Variants in SERPINB7 observed in about 807,000 individuals in gnomAD.
SERPINB7 encodes the protein serpin family B member 7.
SERPINB7 carries 31 observed loss-of-function variants against 37.4 expected under a neutral mutation model. That is an observed-to-expected ratio of 0.83 (90% CI 0.62 to 1.12). The LOEUF is 1.12. Among genes scored for constraint, SERPINB7 ranks in the 50% most tolerant of loss-of-function variants. The pLI is 0.00. For missense variants in SERPINB7, 521 were observed against 455.3 expected, an observed-to-expected ratio of 1.14 and a Z score of -1.31; for synonymous variants, 163 against 166.1, an observed-to-expected ratio of 0.98 and a Z score of 0.14.
chr18:63,753,236 A>G (rs2049102371), intron 1 of SERPINB7: 1 of 152,244 alleles, frequency 6.6e-6, no homozygotes, highest in Non-Finnish European at 1.5e-5. Flanking sequence ...CCTGCTGTCA[A>G]AGTAACAGCT....
intron 1 of SERPINB7, among the ~76,000 whole-genome samples, chr18:63,778,959 TA>T (rs2049276531): frequency 6.6e-6 from 1 of 152,186 alleles, no homozygotes; most frequent in Non-Finnish European, 1.5e-5. Context: ...AACATAAGAA[TA>T]TAGTATATTT....
At chr18:63,769,568 C>T (rs2049198661) in intron 1 of SERPINB7, among the ~76,000 whole-genome samples, 1 of 152,036 alleles carries the variant, frequency 6.6e-6, no homozygotes, top group Admixed American at 6.6e-5. Flanking sequence ...TATAATGAGA[C>T]TCTGGTTCCT....
At chr18:63,767,983 CTT>C (rs1296378284) in intron 1 of SERPINB7, among the ~76,000 whole-genome samples, 2 of 151,982 alleles carry the variant, frequency 1.3e-5, no homozygotes, top group Admixed American at 1.3e-4. Flanking sequence ...TAAAAAAATT[CTT>C]TTAATATCTG....
chr18:63,804,172 G>A, intron 7 of SERPINB7, 65 bp from the exon 8 acceptor site: 2 of 1,169,660 alleles, frequency 1.7e-6, no homozygotes, highest in Non-Finnish European at 2.4e-6. Flanking sequence ...ATGTATCTCT[G>A]TAGCTATTGT....
At chr18:63,774,845 A>G (rs2049233572), upstream of SERPINB7, among the ~76,000 whole-genome samples, 1 of 152,154 alleles carries the variant, frequency 6.6e-6, no homozygotes, top group Non-Finnish European at 1.5e-5. Context: ...ATTCCAAGCC[A>G]GAGAAAATTG....
upstream of SERPINB7, among the ~76,000 whole-genome samples, chr18:63,774,461 G>C (rs933581833): frequency 3.3e-5 from 5 of 152,102 alleles, no homozygotes; most frequent in Non-Finnish European, 7.4e-5. Flanking sequence ...GCAGGTGAAG[G>C]TAGGTGCAAC....
chr18:63,803,165 A>G (rs912235753), intron 7 of SERPINB7, among the ~76,000 whole-genome samples: 1 of 152,156 alleles, frequency 6.6e-6, no homozygotes, highest in African/African-American at 2.4e-5. Flanking sequence ...ATAAACCTAC[A>G]TACTATACAA....
At position 63,789,214 on chromosome 18, in the gene SERPINB7, C is replaced by T. The variant is rs533037817; in HGVS notation, c.169-3179C>T. Among the ~76,000 whole-genome samples, 116 of 152,264 alleles carry T rather than the reference C, an allele frequency of 7.6e-4. 1 individual carries two copies. Among genetic ancestry groups the T allele is most frequent in the African/African-American group, 2.7e-3 (112 of 41,574 alleles). ...AAGATTAGCGAGCTGGTCCCATCAACTCCTGACCCCTCATTTTAGGAAAGA... is the reference window on the plus strand; with the variant it reads ...AAGATTAGCGAGCTGGTCCCATCAATTCCTGACCCCTCATTTTAGGAAAGA... On this transcript the variant is annotated intron_variant, in intron 2 of 7. Transcript: ENST00000398019.
chr18:63,803,318 C>A (rs1449673329), intron 7 of SERPINB7, among the ~76,000 whole-genome samples: 1 of 151,810 alleles, frequency 6.6e-6, no homozygotes, highest in Admixed American at 6.6e-5. Flanking sequence ...ACAAAAAATT[C>A]AAATTAGACT....
chr18:63,784,961 T>C (rs1275347101), intron 2 of SERPINB7, among the ~76,000 whole-genome samples: 1 of 152,148 alleles, frequency 6.6e-6, no homozygotes, highest in Admixed American at 6.5e-5. Flanking sequence ...TGGGCCAGGG[T>C]CAACAGCTCA....
At chr18:63,782,241 C>A in intron 1 of SERPINB7, 114 bp from the exon 2 acceptor site, 2 of 658,740 alleles carry the variant, frequency 3.0e-6, no homozygotes, top group Admixed American at 4.1e-5. Context: ...TGATGATTAC[C>A]TCCAAGGCTG....
chr18:63,783,038 T>A (rs1184058130), intron 2 of SERPINB7, among the ~76,000 whole-genome samples: 1 of 151,588 alleles, frequency 6.6e-6, no homozygotes, highest in Non-Finnish European at 1.5e-5. Context: ...CTCGGGAGGC[T>A]GAGGCAGGAG....
chr18:63,782,887 C>T (rs576091307), intron 2 of SERPINB7, among the ~76,000 whole-genome samples: 2 of 152,076 alleles, frequency 1.3e-5, no homozygotes, highest in South Asian at 2.1e-4. Context: ...GCCTGTAATC[C>T]CAGCACTTTG....
At chr18:63,773,498 G>A (rs550627527), upstream of SERPINB7, among the ~76,000 whole-genome samples, 36 of 152,132 alleles carry the variant, frequency 2.4e-4, no homozygotes, top group African/African-American at 8.7e-4. Flanking sequence ...TATATCTTCA[G>A]CCTAACTACA....
At chr18:63,793,407 G>T (rs1165183179) in intron 4 of SERPINB7, 130 bp downstream of exon 4, 3 of 488,814 alleles carry the variant, frequency 6.1e-6, no homozygotes, top group African/African-American at 3.9e-5. Context: ...TATGTTCTCA[G>T]ATGTCTTGAA....
intron 3 of SERPINB7, 42 bp downstream of exon 3, chr18:63,792,485 A>G (rs1014371963): frequency 1.5e-6 from 2 of 1,327,360 alleles, no homozygotes; most frequent in Non-Finnish European, 2.2e-6. Context: ...AAGGTGAGCC[A>G]GGTGCAGGGG....
chr18:63,786,857 C>T (rs1360828827), intron 2 of SERPINB7, among the ~76,000 whole-genome samples: 2 of 151,924 alleles, frequency 1.3e-5, no homozygotes, highest in East Asian at 3.9e-4. Context: ...ATAAACAAGC[C>T]CTTTGAAGTT....
In SERPINB7 at chr18:63,804,228, T is replaced by C. The variant is rs1187887815; in HGVS notation, c.745-9T>C. On this transcript the variant is annotated splice_polypyrimidine_tract_variant and intron_variant, in intron 7 of 7. Transcript: ENST00000398019. ...ATGATTCTAAATTATCTCTGAATTA[T>C]TTTTACAGATTGAAAACAAACTGAC... The C allele has an allele frequency of 1.3e-6, 2 of 1,527,014 alleles. No individual in the cohort carries two copies. Among genetic ancestry groups the C allele is most frequent in the Non-Finnish European group, 1.8e-6 (2 of 1,138,184 alleles). The allele number at this position is 1,527,014 out of a possible 1,614,324, so 94.6% of individuals were successfully genotyped here. A position where few individuals can be genotyped will look rare whatever the true frequency, so the allele number is the denominator to read the frequency against.
chr18:63,763,459 A>G (rs2049165051), intron 1 of SERPINB7, among the ~76,000 whole-genome samples: 1 of 152,214 alleles, frequency 6.6e-6, no homozygotes, highest in African/African-American at 2.4e-5. Context: ...AAAATTGGTA[A>G]GTAATCCACC....
Sources: gnomAD v4.1 joint callset for allele counts (sites outside exome capture counted in the v4.1 genomes callset) on GRCh38, gnomAD v4.1.1 for gene constraint, MANE v1.5 for transcripts, NCBI Gene and HGNC (gene_info 2026-07-23, HGNC 2026-07-21) for gene names.